Variants in TRPC1 observed in about 807,000 individuals in gnomAD.
TRPC1 encodes the protein short transient receptor potential channel 1.
In TRPC1, 42 loss-of-function variants were observed where a neutral mutation model predicts 88.2. The observed-to-expected ratio is 0.48, with a 90% CI of 0.37 to 0.62. TRPC1 has a LOEUF of 0.62. Among genes scored for constraint, TRPC1 ranks in the 20% least tolerant of loss-of-function variants. TRPC1 has a pLI of 0.00. For synonymous variants in TRPC1, 288 were observed against 331.8 expected (o/e 0.87, Z 1.43); for missense variants, 699 against 957.3 (o/e 0.73, Z 3.56).
chr3:142,735,001 G>C (rs1934075809), intron 1 of TRPC1, among the ~76,000 whole-genome samples: 1 of 152,084 alleles, frequency 6.6e-6, no homozygotes, highest in Non-Finnish European at 1.5e-5. Context: ...GGTCACTATT[G>C]GTTCAACTTG....
At chr3:142,790,830 C>T (rs3732744) in intron 7 of TRPC1, among the ~76,000 whole-genome samples, 189 bp from the exon 8 acceptor site, 1,544 of 151,524 alleles carry the variant, frequency 0.01, 38 homozygotes, top group East Asian at 0.09. Context: ...TTCTTCAAGT[C>T]GTATGAAAGT....
intron 3 of TRPC1, among the ~76,000 whole-genome samples, chr3:142,746,055 T>G (rs1325806510): frequency 6.6e-6 from 1 of 152,190 alleles, no homozygotes; most frequent in Non-Finnish European, 1.5e-5. Context: ...GATCATATCT[T>G]GATAGCCCTT....
intron 4 of TRPC1, among the ~76,000 whole-genome samples, chr3:142,773,020 G>GACCT (rs1935629529): frequency 1.3e-5 from 2 of 151,996 alleles, no homozygotes; most frequent in South Asian, 4.2e-4. Context: ...ATTAGATTTA[G>GACCT]ACCTACCTTG....
Position 142,807,850 on chromosome 3 carries a change from A to G in TRPC1, c.*1615A>G, listed in dbSNP as rs1936840649. On this transcript the variant is annotated 3_prime_UTR_variant, in exon 13 of 13. Coordinates refer to ENST00000476941, the MANE Select transcript of TRPC1 (RefSeq NM_001251845.2). ...ATTTTGAATGACAGCATATTGTAAGAAAAAAAAAGGTGAATAAAATTTGAC... is the reference window on the plus strand; with the variant it reads ...ATTTTGAATGACAGCATATTGTAAGGAAAAAAAAGGTGAATAAAATTTGAC... 6.6e-6 allele frequency: 1 copy of G among 150,828 alleles called. No individual in the cohort carries two copies. Among genetic ancestry groups the G allele is most frequent in the African/African-American group, 2.4e-5 (1 of 40,944 alleles). 9.3% of individuals were successfully genotyped at this position (150,828 alleles called of 1,614,324 possible). A position where few individuals can be genotyped will look rare whatever the true frequency, so the allele number is the denominator to read the frequency against.
At chr3:142,737,223 T>A (rs1324831180) in intron 2 of TRPC1, among the ~76,000 whole-genome samples, 2 of 151,860 alleles carry the variant, frequency 1.3e-5, no homozygotes, top group Non-Finnish European at 2.9e-5. Context: ...ACCTCTTTTT[T>A]TTTTTTTCTT....
chr3:142,729,563 TAAAA>T (rs1215057715), intron 1 of TRPC1, among the ~76,000 whole-genome samples: 2 of 151,826 alleles, frequency 1.3e-5, no homozygotes, highest in African/African-American at 4.8e-5. Context: ...TCTGGGCAGT[TAAAA>T]AAAATGTAAC....
chr3:142,762,910 C>T (rs1259474868), intron 4 of TRPC1, among the ~76,000 whole-genome samples: 1 of 151,990 alleles, frequency 6.6e-6, no homozygotes, highest in Non-Finnish European at 1.5e-5. Flanking sequence ...AAATTTTCTT[C>T]TTAATTTCTT....
rs1487835294 is a variant in TRPC1, at chr3:142,738,608, G to A, written c.327+2075G>A. On this transcript the variant is annotated intron_variant, in intron 2 of 12. Transcript: ENST00000476941. ...AAGATACTTTGGTTTCACAATTGGA[G>A]GGCAGTTTACTACTGTTATCTAGTG... is the stretch of plus-strand genomic sequence containing the variant. Among the ~76,000 whole-genome samples the A allele has an allele frequency of 2.6e-5, 4 of 152,102 alleles. No individual in the cohort carries two copies. The South Asian group carries it at 6.2e-4, about 24-fold the overall frequency.
intron 2 of TRPC1, among the ~76,000 whole-genome samples, chr3:142,742,019 C>T (rs371902041): frequency 2.0e-5 from 3 of 151,822 alleles, no homozygotes; most frequent in South Asian, 4.2e-4. Flanking sequence ...AAAAATTAGC[C>T]GGGTATGGTG....
chr3:142,744,793 C>G (rs1333302230), intron 3 of TRPC1, among the ~76,000 whole-genome samples: 1 of 152,092 alleles, frequency 6.6e-6, no homozygotes, highest in South Asian at 2.1e-4. Flanking sequence ...GGAGGATAGT[C>G]ACTACTAAAT....
intron 1 of TRPC1, among the ~76,000 whole-genome samples, chr3:142,731,522 C>T (rs926307023): frequency 2.0e-5 from 3 of 151,296 alleles, no homozygotes; most frequent in Admixed American, 1.3e-4. Flanking sequence ...GTAGCTGGGA[C>T]TACAGGTGCC....
intron 2 of TRPC1, among the ~76,000 whole-genome samples, chr3:142,742,834 G>A (rs1044855438): frequency 7.2e-5 from 11 of 151,812 alleles, no homozygotes; most frequent in Admixed American, 3.3e-4. Context: ...TTCCTCTTTC[G>A]GATCTTCACA....
At chr3:142,794,113 T>C (rs1156933758) in intron 9 of TRPC1, among the ~76,000 whole-genome samples, 1 of 152,140 alleles carries the variant, frequency 6.6e-6, no homozygotes, top group Non-Finnish European at 1.5e-5. Flanking sequence ...TCATGAAATA[T>C]GTGCAAGTCT....
intron 7 of TRPC1, among the ~76,000 whole-genome samples, chr3:142,788,186 C>A (rs1936189760): frequency 1.3e-5 from 2 of 152,118 alleles, no homozygotes; most frequent in African/African-American, 4.8e-5. Flanking sequence ...AAAGATCATT[C>A]TATCTACAGG....
At chr3:142,791,241 T>C in intron 8 of TRPC1, 83 bp downstream of exon 8, 1 of 1,264,958 alleles carries the variant, frequency 7.9e-7, no homozygotes, top group Non-Finnish European at 1.1e-6. Flanking sequence ...TAACTCAGAG[T>C]TACATTGAGC....
chr3:142,749,326 T>A (rs1035052026), intron 4 of TRPC1, among the ~76,000 whole-genome samples: 24 of 152,204 alleles, frequency 1.6e-4, no homozygotes, highest in Non-Finnish European at 2.6e-4. Flanking sequence ...ATAATGACTG[T>A]TACTGGTTTA....
chr3:142,794,067 T>C (rs1218494637), intron 9 of TRPC1: 1 of 180,810 alleles, frequency 5.5e-6, no homozygotes, highest in African/African-American at 2.4e-5. Context: ...GTTCAAATCA[T>C]CATTACCTAA....
intron 4 of TRPC1, among the ~76,000 whole-genome samples, chr3:142,751,403 T>C (rs1231978922): frequency 6.6e-6 from 1 of 152,240 alleles, no homozygotes; most frequent in Non-Finnish European, 1.5e-5. Context: ...CATAGTAACA[T>C]GCTATACAGT....
intron 9 of TRPC1, among the ~76,000 whole-genome samples, chr3:142,795,553 G>A (rs1048845351): frequency 6.6e-6 from 1 of 151,908 alleles, no homozygotes; most frequent in African/African-American, 2.4e-5. Flanking sequence ...AGGAGGCAGT[G>A]GAGTGACATT....
Sources: allele counts gnomAD v4.1 joint callset (sites outside exome capture counted in the v4.1 genomes callset), GRCh38; gene constraint gnomAD v4.1.1; transcripts MANE v1.5; gene names NCBI Gene and HGNC (gene_info 2026-07-23, HGNC 2026-07-21).